CSMD3: variants seen among roughly 807,000 people sequenced by gnomAD.
CSMD3 encodes CUB and Sushi multiple domains 3.
A neutral mutation model predicts 435.2 loss-of-function variants in CSMD3; 177 were observed. That is an observed-to-expected ratio of 0.41 (90% CI 0.36 to 0.46). CSMD3 has a LOEUF of 0.46. Ranked by LOEUF, CSMD3 falls within the 20% of genes least tolerant of loss-of-function variation. The pLI is 0.34. For synonymous variants in CSMD3, 1,656 were observed against 1,520.5 expected (o/e 1.09, Z -2.07); for missense variants, 4,265 against 4,504.6 (o/e 0.95, Z 1.52).
intron 6 of CSMD3, among the ~76,000 whole-genome samples, chr8:113,013,587 T>A (rs1465933633): frequency 6.6e-6 from 1 of 151,988 alleles, no homozygotes; most frequent in East Asian, 1.9e-4. Context: ...TGGTGGGGGC[T>A]TCCAGAGCCA....
At chr8:112,343,001 T>TTATATATATATATATA (rs34740069) in intron 41 of CSMD3, among the ~76,000 whole-genome samples, 1 of 109,678 alleles carries the variant, frequency 9.1e-6, no homozygotes, top group Admixed American at 9.8e-5. Flanking sequence ...ATATATATAT[T>TTATATATATATATATA]TATATATATA....
At chr8:113,012,794 C>T (rs1040468226) in intron 6 of CSMD3, among the ~76,000 whole-genome samples, 1 of 151,942 alleles carries the variant, frequency 6.6e-6, no homozygotes, top group Admixed American at 6.6e-5. Flanking sequence ...TCCAACATCC[C>T]TTTGATAATA....
chr8:112,970,299 A>G (rs192692036), intron 7 of CSMD3, among the ~76,000 whole-genome samples: 4 of 151,232 alleles, frequency 2.6e-5, no homozygotes, highest in South Asian at 4.2e-4. Flanking sequence ...GTTAAATATT[A>G]ACTTAAATAT....
intron 10 of CSMD3, among the ~76,000 whole-genome samples, chr8:112,894,435 A>G (rs1403405079): frequency 2.0e-5 from 3 of 151,378 alleles, no homozygotes; most frequent in Non-Finnish European, 4.4e-5. Context: ...AAAAGATAAT[A>G]TAGACAAAAA....
chr8:112,632,501 T>A (rs150459586), intron 22 of CSMD3, among the ~76,000 whole-genome samples: 232 of 152,162 alleles, frequency 1.5e-3, no homozygotes, highest in African/African-American at 5.4e-3. Flanking sequence ...GTGGGCTTCT[T>A]AAAATATGTG....
At chr8:112,575,085 G>A (rs937714183) in intron 23 of CSMD3, among the ~76,000 whole-genome samples, 2 of 151,680 alleles carry the variant, frequency 1.3e-5, no homozygotes, top group East Asian at 1.9e-4. Context: ...TATTTAGAAC[G>A]TTTCAATATG....
At chr8:113,357,939 C>A (rs532614093) in intron 1 of CSMD3, among the ~76,000 whole-genome samples, 1 of 152,286 alleles carries the variant, frequency 6.6e-6, no homozygotes, top group African/African-American at 2.4e-5. Flanking sequence ...AACTGTGAGC[C>A]AATTAAACCT....
intron 28 of CSMD3, among the ~76,000 whole-genome samples, chr8:112,509,935 A>G (rs1193346124): frequency 1.3e-5 from 2 of 152,172 alleles, no homozygotes; most frequent in Non-Finnish European, 2.9e-5. Context: ...TACATCAAAT[A>G]TAGAATAGCC....
At chr8:113,253,815 G>GT (rs1327043850) in intron 3 of CSMD3, among the ~76,000 whole-genome samples, 3 of 150,918 alleles carry the variant, frequency 2.0e-5, no homozygotes, top group African/African-American at 7.3e-5. Flanking sequence ...CTGCAGTCTG[G>GT]TGACAGAGTG....
chr8:112,598,892 G>A lies in CSMD3; in HGVS notation c.3716-11657C>T, dbSNP rs939360603. ...TTCAAGATGGATTAAAGACTTAAAC[G>A]TTAGACCTAAAACCATAAAAACCCT... On this transcript the variant is annotated intron_variant, in intron 22 of 70. Transcript: ENST00000297405. Among the ~76,000 whole-genome samples, 44 of 152,024 alleles carry A rather than the reference G, an allele frequency of 2.9e-4. 1 individual carries two copies. The highest frequency in any genetic ancestry group is 9.4e-4 in the African/African-American group (39 of 41,428).
At chr8:113,360,596 C>T (rs2094267096) in intron 1 of CSMD3, among the ~76,000 whole-genome samples, 1 of 99,922 alleles carries the variant, frequency 1.0e-5, no homozygotes, top group Non-Finnish European at 1.8e-5. Flanking sequence ...TTTTTTGAGA[C>T]GGAGTCTCGC....
At chr8:112,628,725 A>G (rs983034889) in intron 22 of CSMD3, among the ~76,000 whole-genome samples, 3 of 152,220 alleles carry the variant, frequency 2.0e-5, no homozygotes, top group Non-Finnish European at 2.9e-5. Context: ...GCAATTCAAT[A>G]TAGCATGATG....
intron 61 of CSMD3, among the ~76,000 whole-genome samples, chr8:112,256,458 A>C (rs1053317722): frequency 6.6e-6 from 1 of 152,144 alleles, no homozygotes; most frequent in African/African-American, 2.4e-5. Flanking sequence ...ATGAAGTCCT[A>C]AGGAAGGGCA....
rs2131786742 is a variant in CSMD3, at chr8:112,682,593, A to G, written c.2526T>C (p.Asn842=). 1 of 1,613,772 alleles carries G rather than the reference A, an allele frequency of 6.2e-7. No homozygotes were observed. The highest frequency in any genetic ancestry group is 8.5e-7 in the Non-Finnish European group (1 of 1,179,680). Residue 842 remains asparagine (N), a synonymous_variant, in exon 16 of 71, where the codon AAT becomes AAC. Coordinates refer to ENST00000297405, the MANE Select transcript of CSMD3 (RefSeq NM_198123.2). ...GAAAGTTGTCCCCAAACCGCCGTGC[A>G]TTGATTGGTATTCCAGGATCAGGGC... The part of the protein sequence containing the change: ...NECPDPGIPI[N]ARRFGDNFQL...
intron 5 of CSMD3, among the ~76,000 whole-genome samples, chr8:113,076,313 G>A (rs925711320): frequency 6.6e-6 from 1 of 151,682 alleles, no homozygotes; most frequent in African/African-American, 2.4e-5. Flanking sequence ...ATCTTTTGCT[G>A]CCACTGTCAA....
chr8:112,408,677 C>T (rs1832070476), intron 33 of CSMD3, among the ~76,000 whole-genome samples: 1 of 151,724 alleles, frequency 6.6e-6, no homozygotes, highest in Non-Finnish European at 1.5e-5. Context: ...ACATTAAACA[C>T]CAGAGACTAA....
chr8:112,486,853 G>A (rs913296002), intron 31 of CSMD3, among the ~76,000 whole-genome samples: 28 of 152,104 alleles, frequency 1.8e-4, no homozygotes, highest in Non-Finnish European at 3.8e-4. Flanking sequence ...CTAAGGGCAA[G>A]GACAAGGTTG....
chr8:112,249,144 G>T (rs1815033264), intron 63 of CSMD3, among the ~76,000 whole-genome samples: 2 of 152,038 alleles, frequency 1.3e-5, no homozygotes, highest in Admixed American at 1.3e-4. Context: ...CCTTCTTAAG[G>T]TTAGAACCCA....
chr8:112,441,249 G>A (rs11990066), intron 32 of CSMD3, among the ~76,000 whole-genome samples: 2,752 of 152,066 alleles, frequency 0.018, 82 homozygotes, highest in African/African-American at 0.061. Flanking sequence ...CTTTGCTCCC[G>A]TTCCCAACAA....
Sources: allele counts gnomAD v4.1 joint callset (sites outside exome capture counted in the v4.1 genomes callset), GRCh38; gene constraint gnomAD v4.1.1; transcripts MANE v1.5; gene names NCBI Gene and HGNC (gene_info 2026-07-23, HGNC 2026-07-21).